Variants in KLHL13 observed in about 807,000 individuals in gnomAD.
The protein encoded by KLHL13 is kelch like family member 13.
A neutral mutation model predicts 37.1 loss-of-function variants in KLHL13; 10 were observed. The observed-to-expected ratio is 0.27, with a 90% CI of 0.17 to 0.46. The LOEUF (loss-of-function observed/expected upper bound fraction) is 0.46, where lower values mean the gene tolerates loss of function less well. Ranked by LOEUF, KLHL13 falls within the 20% of genes least tolerant of loss-of-function variation. KLHL13 has a pLI of 1.00. For synonymous variants in KLHL13, 163 were observed against 181.2 expected (o/e 0.90, Z 0.81); for missense variants, 360 against 509.3 (o/e 0.71, Z 2.82).
chrX:118,116,437 C>G (rs746617391), intron 1 of KLHL13, 71 bp downstream of exon 1: 8 of 113,260 alleles, frequency 7.1e-5, no homozygotes, highest in African/African-American at 2.6e-4. Context: ...TCGCCGCGCA[C>G]CGCGCAGCGC....
intron 1 of KLHL13, among the ~76,000 whole-genome samples, chrX:118,011,866 T>A (rs745470749): frequency 8.9e-6 from 1 of 112,442 alleles, no homozygotes; most frequent in Non-Finnish European, 1.9e-5. Context: ...TTCAGTGCAG[T>A]GGGATTATAC....
At chrX:117,954,093 T>C (rs2430212) in intron 1 of KLHL13, among the ~76,000 whole-genome samples, 48,805 of 110,426 alleles carry the variant, frequency 0.44, 10,182 homozygotes, top group African/African-American at 0.83. Flanking sequence ...ACAAATGATA[T>C]TCCATTAGAT....
intron 3 of KLHL13, 144 bp downstream of exon 4, chrX:117,920,094 C>A: frequency 1.9e-6 from 1 of 527,492 alleles, no homozygotes; most frequent in Non-Finnish European, 3.0e-6. Context: ...AAAACAGCAC[C>A]ACCGAAAACC....
chrX:118,069,341 T>C (rs1256216047), intron 1 of KLHL13, among the ~76,000 whole-genome samples: 2 of 107,743 alleles, frequency 1.9e-5, no homozygotes, highest in Non-Finnish European at 3.8e-5. Flanking sequence ...GCAGTGAAAT[T>C]GATTATCCTA....
At chrX:117,983,698 A>G (rs2053691677) in intron 1 of KLHL13, among the ~76,000 whole-genome samples, 1 of 112,004 alleles carries the variant, frequency 8.9e-6, no homozygotes, top group Non-Finnish European at 1.9e-5. Context: ...TAACAATTTT[A>G]AACTATGTAA....
intron 1 of KLHL13, among the ~76,000 whole-genome samples, chrX:118,103,244 A>AT (rs770278051): frequency 2.7e-5 from 3 of 111,871 alleles, no homozygotes; most frequent in South Asian, 7.5e-4. Flanking sequence ...GTATGCATAG[A>AT]TTTTTTATTC....
intron 1 of KLHL13, among the ~76,000 whole-genome samples, chrX:118,019,457 G>A (rs369642387): frequency 6.4e-5 from 7 of 110,001 alleles, no homozygotes; most frequent in Admixed American, 9.7e-5. Flanking sequence ...GTTCACTCTG[G>A]TGGTAGTTTC....
In KLHL13 at chrX:117,941,202, CAT is replaced by C. The variant is rs1420390742; in HGVS notation, c.240+4230_240+4231del. Among the ~76,000 whole-genome samples, 7 of 111,642 alleles carry C rather than the reference CAT, an allele frequency of 6.3e-5. No individual in the cohort carries two copies. In the East Asian group the frequency reaches 2.0e-3, roughly 31 times the overall value. On this transcript the variant is annotated intron_variant, in intron 2 of 6. Transcript: ENST00000262820. ...CCTTTTCTGCATCTATTGAGAAAAT[CAT>C]GTGGTTTTTGTCATTTGTTCTGTTT...
chrX:117,935,918 T>C (rs1295370429), intron 2 of KLHL13, among the ~76,000 whole-genome samples: 1 of 111,716 alleles, frequency 9.0e-6, no homozygotes, highest in Non-Finnish European at 1.9e-5. Context: ...CAATTGATTG[T>C]GGTGACAGTT....
chrX:117,918,892 C>T, intron 4 of KLHL13, among the ~76,000 whole-genome samples: 1 of 112,170 alleles, frequency 8.9e-6, no homozygotes, highest in South Asian at 3.7e-4. Context: ...CATTCAATTA[C>T]ATTTAAGAAG....
At position 117,959,050 on chromosome X, in the gene KLHL13, C is replaced by A. The variant is rs1269677526; in HGVS notation, c.99-13475G>T. Among the ~76,000 whole-genome samples, 9 of 108,958 alleles carry A rather than the reference C, an allele frequency of 8.3e-5. No homozygotes were observed. In the East Asian group the frequency reaches 2.5e-3, roughly 31 times the overall value. The allele number at this position is 108,958 out of a possible 115,157, so 94.6% of individuals were successfully genotyped here. A position where few individuals can be genotyped will look rare whatever the true frequency, so the allele number is the denominator to read the frequency against. ...CAATTTTAATTATATGGAAGAAAGT[C>A]AAAACTCTTGATGATGTGATAGTAC... On this transcript the variant is annotated intron_variant, in intron 1 of 6. Transcript: ENST00000262820.
intron 1 of KLHL13, among the ~76,000 whole-genome samples, chrX:117,996,703 T>C (rs191300743): frequency 2.9e-4 from 32 of 110,479 alleles, no homozygotes; most frequent in African/African-American, 1.0e-3. Context: ...CTTTTTTTCC[T>C]AATCAGCGTT....
At chrX:118,014,757 A>G (rs2054109132) in intron 1 of KLHL13, among the ~76,000 whole-genome samples, 1 of 112,302 alleles carries the variant, frequency 8.9e-6, no homozygotes, top group Non-Finnish European at 1.9e-5. Flanking sequence ...GGGAAAATAG[A>G]AAAGAACCTA....
rs762771761 is a variant in KLHL13, at chrX:118,097,770, C to T, written c.-56+18738G>A. Among the ~76,000 whole-genome samples the T allele has an allele frequency of 3.6e-3, 402 of 111,128 alleles. 4 individuals are homozygous for T. Among genetic ancestry groups the T allele is most frequent in the Non-Finnish European group, 5.9e-3 (313 of 52,986 alleles). Reference sequence around the variant, plus strand: ...AACAGAACAGAGCCCTCAGAAATAACGCCGCATATCTACAACTATCTGATC... The same window carrying T: ...AACAGAACAGAGCCCTCAGAAATAATGCCGCATATCTACAACTATCTGATC... On this transcript the variant is annotated intron_variant, in intron 1 of 6. Transcript: ENST00000371882.
chrX:117,971,628 T>G (rs757723296), intron 1 of KLHL13, among the ~76,000 whole-genome samples: 3 of 111,456 alleles, frequency 2.7e-5, no homozygotes, highest in Non-Finnish European at 5.7e-5. Flanking sequence ...GGCCTCATTT[T>G]TCAACACTTT....
intron 2 of KLHL13, among the ~76,000 whole-genome samples, chrX:117,921,957 T>A (rs1313722458): frequency 1.8e-5 from 2 of 112,433 alleles, no homozygotes; most frequent in Admixed American, 9.4e-5. Flanking sequence ...ATGATTGACA[T>A]GTTTATGTTA....
intron 1 of KLHL13, among the ~76,000 whole-genome samples, chrX:118,091,350 TAGCC>T (rs2055132179): frequency 9.0e-6 from 1 of 111,576 alleles, no homozygotes; most frequent in African/African-American, 3.3e-5. Flanking sequence ...GATTTTAAAG[TAGCC>T]ATCATAAAAA....
chrX:117,975,237 T>C (rs2053583884), upstream of KLHL13, among the ~76,000 whole-genome samples: 1 of 111,040 alleles, frequency 9.0e-6, no homozygotes, highest in Non-Finnish European at 1.9e-5. Context: ...AAGTTTGAAA[T>C]GTCTTATTCC....
chrX:118,012,708 T>C (rs1355495114), intron 1 of KLHL13, among the ~76,000 whole-genome samples: 1 of 110,247 alleles, frequency 9.1e-6, no homozygotes, highest in African/African-American at 3.3e-5. Context: ...GGGTATTCTG[T>C]CTACTGCTGG....
Sources: allele counts gnomAD v4.1 joint callset (sites outside exome capture counted in the v4.1 genomes callset), GRCh38; gene constraint gnomAD v4.1.1; transcripts MANE v1.5; gene names NCBI Gene and HGNC (gene_info 2026-07-23, HGNC 2026-07-21).